NOS1: variants seen among roughly 807,000 people sequenced by gnomAD.
NOS1 encodes the protein nitric oxide synthase 1, also known as NOS type I.
NOS1 carries 51 observed loss-of-function variants against 164.5 expected under a neutral mutation model. The observed-to-expected ratio is 0.31, with a 90% confidence interval of 0.25 to 0.39. The LOEUF is 0.39. NOS1 is among the 10% of genes least tolerant of loss of function. The probability of loss-of-function intolerance (pLI) is 1.00; values close to 1 mark genes in which losing one functional copy is unlikely to be tolerated. For synonymous variants in NOS1, 719 were observed against 745.8 expected (o/e 0.96, Z 0.59); for missense variants, 1,362 against 1,885.6 (o/e 0.72, Z 5.14).
chr12:117,358,586 A>G (rs1876968377), intron 1 of NOS1, among the ~76,000 whole-genome samples: 1 of 152,114 alleles, frequency 6.6e-6, no homozygotes, highest in South Asian at 2.1e-4. Flanking sequence ...CACATACATC[A>G]TCACAGAGTC....
Position 117,242,779 on chromosome 12 carries a change from C to T in NOS1, c.2963-74G>A, listed in dbSNP as rs574378016. 575 of 1,358,140 alleles carry T rather than the reference C, an allele frequency of 4.2e-4. 1 individual carries two copies. The African/African-American group carries it at 4.3e-3, about 10-fold the overall frequency. 84.1% of individuals were successfully genotyped at this position (1,358,140 alleles called of 1,614,324 possible). A position where few individuals can be genotyped will look rare whatever the true frequency, so the allele number is the denominator to read the frequency against. ...ATTAAAAACTCCCCAGGTGGGGCAA[C>T]GTGGCTCACGCCCATAATCCCAACT... On this transcript the variant is annotated intron_variant, in intron 19 of 28. Coordinates refer to ENST00000317775, the MANE Select transcript of NOS1 (RefSeq NM_000620.5).
intron 7 of NOS1, among the ~76,000 whole-genome samples, chr12:117,283,063 T>A (rs1198732318): frequency 0.028 from 4,031 of 145,144 alleles, 150 homozygotes; most frequent in African/African-American, 0.084. Flanking sequence ...TATATTTTTT[T>A]TTTTTTTTTT....
chr12:117,348,596 C>T (rs1566086616), intron 1 of NOS1, among the ~76,000 whole-genome samples: 1 of 152,194 alleles, frequency 6.6e-6, no homozygotes, highest in Non-Finnish European at 1.5e-5. Flanking sequence ...TAGCCTCATC[C>T]TAAAAGCTAA....
Position 117,214,835 on chromosome 12 carries a change from A to T in NOS1, c.*474T>A, listed in dbSNP as rs1193164526. 53 of 176,618 alleles carry T rather than the reference A, an allele frequency of 3.0e-4. No individual in the cohort carries two copies. Among genetic ancestry groups the T allele is most frequent in the South Asian group, 7.4e-4 (4 of 5,438 alleles). 10.9% of individuals were successfully genotyped at this position (176,618 alleles called of 1,614,324 possible). ...AGGACGGACAGAGACCTGGCCCATCACACACACACACACACACACACACAC... is the reference window on the plus strand; with the variant it reads ...AGGACGGACAGAGACCTGGCCCATCTCACACACACACACACACACACACAC... On this transcript the variant is annotated 3_prime_UTR_variant, in exon 29 of 29. Coordinates refer to ENST00000317775, the MANE Select transcript of NOS1 (RefSeq NM_000620.5).
chr12:117,268,785 GA>G (rs1304103183), intron 10 of NOS1, among the ~76,000 whole-genome samples: 3 of 149,168 alleles, frequency 2.0e-5, no homozygotes, highest in Admixed American at 6.7e-5. Flanking sequence ...TTTTAGTAGA[GA>G]GGGGGTTTCA....
rs930503332 is a variant in NOS1 at position 117,298,937 on chromosome 12, C to T, written c.853-8511G>A. 4.6e-5 allele frequency among the ~76,000 whole-genome samples: 7 copies of T among 152,314 alleles called. 1 individual carries two copies. The South Asian group carries it at 1.0e-3, about 23-fold the overall frequency. ...AAGTCGCTTCTTATTCTTATGCTAT[C>T]GGCACCAGTGACAGCTCCTCTATTA... On this transcript the variant is annotated intron_variant, in intron 3 of 28. Coordinates refer to ENST00000317775, the MANE Select transcript of NOS1 (RefSeq NM_000620.5).
At chr12:117,317,596 A>G (rs1355912038) in intron 2 of NOS1, among the ~76,000 whole-genome samples, 1 of 151,874 alleles carries the variant, frequency 6.6e-6, no homozygotes, top group Non-Finnish European at 1.5e-5. Flanking sequence ...GAGCATCTCA[A>G]CGCAATGCTT....
At chr12:117,222,886 G>A (rs1868351962) in intron 25 of NOS1, 23 bp from the exon 26 acceptor site, 2 of 1,608,988 alleles carry the variant, frequency 1.2e-6, no homozygotes, top group Non-Finnish European at 8.5e-7. Flanking sequence ...AAGACCTTAT[G>A]TCACCGATGG....
In NOS1 at chr12:117,220,385, T is replaced by C. The variant is rs193142249; in HGVS notation, c.3976-116A>G. 238 of 987,010 alleles carry C rather than the reference T, an allele frequency of 2.4e-4. 1 individual carries two copies. In the African/African-American group the frequency reaches 3.4e-3, roughly 14 times the overall value. The allele number at this position is 987,010 out of a possible 1,614,324, so 61.1% of individuals were successfully genotyped here. ...GGGGCTTGTGGGCAGGTAGGATCTTTTGTGAGCTGATCCCAGGGAACAAGA... is the reference window on the plus strand; with the variant it reads ...GGGGCTTGTGGGCAGGTAGGATCTTCTGTGAGCTGATCCCAGGGAACAAGA... On this transcript the variant is annotated intron_variant, in intron 26 of 28. Transcript: ENST00000317775.
chr12:117,346,957 A>T (rs1366866181), intron 1 of NOS1, among the ~76,000 whole-genome samples: 1 of 152,090 alleles, frequency 6.6e-6, no homozygotes, highest in Non-Finnish European at 1.5e-5. Context: ...ATACAGTTAA[A>T]TTTTTTCCCC....
rs115404024 is a variant in NOS1 at position 117,275,593 on chromosome 12, G to A, written c.1664+2366C>T. 7.7e-3 allele frequency among the ~76,000 whole-genome samples: 1,169 copies of A among 152,194 alleles called. 15 individuals carry two copies. The highest frequency in any genetic ancestry group is 0.027 in the African/African-American group (1,102 of 41,534). ...AGTTGTACTGTTCTACACCACTGTA[G>A]GATGACTATAGTTAACATTAATATA... On this transcript the variant is annotated intron_variant, in intron 9 of 28. Transcript: ENST00000317775.
intron 18 of NOS1, 30 bp downstream of exon 18, chr12:117,247,318 T>C: frequency 6.4e-7 from 1 of 1,550,430 alleles, no homozygotes; most frequent in Non-Finnish European, 8.7e-7. Flanking sequence ...AGCATTACTT[T>C]TTCCTGTAGG....
intron 11 of NOS1, 111 bp from the exon 12 acceptor site, chr12:117,265,621 G>T (rs1872327537): frequency 1.4e-6 from 1 of 717,358 alleles, no homozygotes; most frequent in Non-Finnish European, 2.1e-6. Flanking sequence ...AGATGGTTTA[G>T]AGCAGCGTGA....
At chr12:117,310,927 GCA>G (rs1399882276) in intron 3 of NOS1, among the ~76,000 whole-genome samples, 2 of 152,120 alleles carry the variant, frequency 1.3e-5, no homozygotes, top group Admixed American at 6.5e-5. Context: ...GTGCAGTGGT[GCA>G]ATCTCGGCTC....
rs1956575533 is a variant in NOS1 at position 117,214,685 on chromosome 12, C to G, written c.*624G>C. 1 of 985,260 alleles carries G rather than the reference C, an allele frequency of 1.0e-6. No individual in the cohort carries two copies. The highest frequency in any genetic ancestry group is 1.2e-6 in the Non-Finnish European group (1 of 829,942). The allele number at this position is 985,260 out of a possible 1,614,324, so 61.0% of individuals were successfully genotyped here. Reference sequence around the variant, plus strand: ...ATGGGGCTTCCAAATGTTTCAGGTACATGGGCGTGGACCCTAATTATGGAC... The same window carrying G: ...ATGGGGCTTCCAAATGTTTCAGGTAGATGGGCGTGGACCCTAATTATGGAC... On this transcript the variant is annotated 3_prime_UTR_variant, in exon 29 of 29. Coordinates refer to ENST00000317775, the MANE Select transcript of NOS1 (RefSeq NM_000620.5).
chr12:117,347,816 G>GA (rs1191897462), intron 1 of NOS1, among the ~76,000 whole-genome samples: 2 of 152,122 alleles, frequency 1.3e-5, no homozygotes, highest in African/African-American at 4.8e-5. Flanking sequence ...CACTTTGCAC[G>GA]ATCATCTTGA....
At position 117,218,065 on chromosome 12, in the gene NOS1, T is replaced by C; in HGVS notation, c.4270A>G (p.Ser1424Gly). 1 of 1,613,852 alleles carries C rather than the reference T, an allele frequency of 6.2e-7. No homozygotes were observed. The highest frequency in any genetic ancestry group is 1.7e-5 in the Admixed American group (1 of 60,008). ...RSESIAFIEE[S>G]KKDTDEVFSS ...GCTTACTCATCGGTGTCTTTTTTGC[T>C]CTCTTCAATGAAGGCAATGGACTCA... is the stretch of plus-strand genomic sequence containing the variant. The change falls in exon 28 of 29, where the codon AGC becomes GGC. Residue 1424 changes from serine (S) to glycine (G), a missense_variant. Coordinates refer to ENST00000317775, the MANE Select transcript of NOS1 (RefSeq NM_000620.5).
At chr12:117,320,157 C>T (rs1388766352) in intron 2 of NOS1, among the ~76,000 whole-genome samples, 2 of 152,206 alleles carry the variant, frequency 1.3e-5, no homozygotes, top group African/African-American at 4.8e-5. Flanking sequence ...GGCTGAATAA[C>T]AGCCCAAGGA....
chr12:117,263,845 TTTGTG>T (rs771714612), intron 13 of NOS1, 39 bp downstream of exon 13: 1 of 1,450,456 alleles, frequency 6.9e-7, no homozygotes, highest in Non-Finnish European at 9.7e-7. Context: ...GTTCTCTGAG[TTTGTG>T]GGGACATCCA....
Sources: allele counts gnomAD v4.1 joint callset (sites outside exome capture counted in the v4.1 genomes callset), GRCh38; gene constraint gnomAD v4.1.1; transcripts MANE v1.5; gene names NCBI Gene and HGNC (gene_info 2026-07-23, HGNC 2026-07-21).